Variants in CCDC7 observed in about 807,000 individuals in gnomAD.
CCDC7 encodes the protein coiled-coil domain-containing protein 7.
In CCDC7, 183 loss-of-function variants were observed where a neutral mutation model predicts 196.9. That is an observed-to-expected ratio of 0.93 (90% CI 0.82 to 1.05). The LOEUF is 1.05. Among genes scored for constraint, CCDC7 ranks in the 50% least tolerant of loss-of-function variants. The pLI is 0.00. For missense variants in CCDC7, 1,540 were observed against 1,482.2 expected (o/e 1.04, Z -0.64); for synonymous variants, 525 against 484.6 (o/e 1.08, Z -1.10).
At chr10:32,681,966 G>A (rs1420722779) in intron 21 of CCDC7, among the ~76,000 whole-genome samples, 5 of 151,776 alleles carry the variant, frequency 3.3e-5, no homozygotes, top group East Asian at 1.9e-4. Flanking sequence ...TCTACTGTGC[G>A]AATCCTGACT....
At chr10:32,703,139 G>A (rs998200084) in intron 24 of CCDC7, among the ~76,000 whole-genome samples, 10 of 152,068 alleles carry the variant, frequency 6.6e-5, no homozygotes, top group Admixed American at 1.3e-4. Flanking sequence ...GCATGTTTTC[G>A]CAGTGGCTGG....
At chr10:32,514,905 G>GCCT in intron 9 of CCDC7, among the ~76,000 whole-genome samples, 1 of 152,270 alleles carries the variant, frequency 6.6e-6, no homozygotes, top group Admixed American at 6.5e-5. Flanking sequence ...GCTCACTTCA[G>GCCT]CTGCTAACTC....
intron 11 of CCDC7, among the ~76,000 whole-genome samples, chr10:32,533,459 G>A (rs1281032916): frequency 6.6e-6 from 1 of 151,902 alleles, no homozygotes; most frequent in East Asian, 1.9e-4. Context: ...AGTATTTTGG[G>A]TTTCTTCATG....
intron 21 of CCDC7, among the ~76,000 whole-genome samples, chr10:32,682,643 A>G (rs1430697377): frequency 6.6e-6 from 1 of 152,014 alleles, no homozygotes; most frequent in Non-Finnish European, 1.5e-5. Flanking sequence ...TTTCTCTACA[A>G]CCTCACCAGC....
intron 29 of CCDC7, among the ~76,000 whole-genome samples, chr10:32,796,056 T>C (rs544388998): frequency 6.6e-6 from 1 of 152,288 alleles, no homozygotes; most frequent in East Asian, 1.9e-4. Flanking sequence ...CTAAGGATGA[T>C]AGGCTTACTT....
intron 33 of CCDC7, among the ~76,000 whole-genome samples, chr10:32,835,737 G>A (rs559819980): frequency 3.3e-5 from 5 of 151,970 alleles, no homozygotes; most frequent in African/African-American, 4.8e-5. Flanking sequence ...ATGGGTACTA[G>A]GCTTAATACT....
intron 21 of CCDC7, among the ~76,000 whole-genome samples, chr10:32,679,445 T>C (rs2140992341): frequency 6.6e-6 from 1 of 152,250 alleles, no homozygotes; most frequent in Middle Eastern, 3.4e-3. Context: ...TTGTGGCACA[T>C]ATAAAGGAAA....
chr10:32,782,970 A>G (rs950054127), intron 29 of CCDC7, among the ~76,000 whole-genome samples: 2 of 152,260 alleles, frequency 1.3e-5, no homozygotes, highest in East Asian at 1.9e-4. Context: ...AGTCACGTCA[A>G]AAGAATGAAG....
intron 20 of CCDC7, among the ~76,000 whole-genome samples, chr10:32,642,080 G>A (rs183249136): frequency 9.8e-5 from 15 of 152,338 alleles, no homozygotes; most frequent in Middle Eastern, 6.8e-3. Flanking sequence ...GTGCCTCCCA[G>A]TTAGGCTACT....
intron 28 of CCDC7, among the ~76,000 whole-genome samples, chr10:32,759,458 A>T (rs545981259): frequency 6.6e-6 from 1 of 152,304 alleles, no homozygotes. Flanking sequence ...CAACTATCTG[A>T]TCTTTGACAA....
At chr10:32,641,755 G>A (rs1213936984) in intron 20 of CCDC7, among the ~76,000 whole-genome samples, 2 of 152,128 alleles carry the variant, frequency 1.3e-5, no homozygotes, top group Non-Finnish European at 2.9e-5. Context: ...CAGTTTTTCT[G>A]TTCTGTTTTT....
At chr10:32,563,635 A>G (rs2056204854) in intron 13 of CCDC7, among the ~76,000 whole-genome samples, 1 of 152,202 alleles carries the variant, frequency 6.6e-6, no homozygotes, top group African/African-American at 2.4e-5. Flanking sequence ...CTTACACCTT[A>G]TACAAAAATT....
chr10:32,496,555 G>T (rs1333042962), intron 9 of CCDC7, among the ~76,000 whole-genome samples: 1 of 152,140 alleles, frequency 6.6e-6, no homozygotes, highest in African/African-American at 2.4e-5. Context: ...ATTATTTTGA[G>T]ATACTTTCAG....
chr10:32,802,312 T>C (rs2084956257), intron 29 of CCDC7, among the ~76,000 whole-genome samples: 1 of 152,196 alleles, frequency 6.6e-6, no homozygotes, highest in East Asian at 1.9e-4. Flanking sequence ...TCCTTGCATC[T>C]CTTGAGCAGT....
intron 16 of CCDC7, chr10:32,574,423 T>C (rs1327502579): frequency 6.3e-7 from 1 of 1,581,682 alleles, no homozygotes; most frequent in Non-Finnish European, 8.6e-7. Context: ...TTGGGTTACT[T>C]CTTAGATGCT....
exon 2 of CCDC7, chr10:32,453,366 C>T: frequency 1.3e-6 from 2 of 1,539,364 alleles, no homozygotes; most frequent in Middle Eastern, 1.8e-4. Flanking sequence ...TTGGAAGAAA[C>T]CTATGGACAT....
intron 18 of CCDC7, among the ~76,000 whole-genome samples, chr10:32,598,130 C>G (rs1230576980): frequency 1.3e-5 from 2 of 152,164 alleles, no homozygotes; most frequent in Non-Finnish European, 2.9e-5. Context: ...AGGCAGACCT[C>G]CTTGGGCTGC....
intron 5 of CCDC7, among the ~76,000 whole-genome samples, chr10:32,470,728 G>T (rs966368019): frequency 1.3e-5 from 2 of 152,048 alleles, no homozygotes; most frequent in Non-Finnish European, 2.9e-5. Flanking sequence ...TTCTTAAAAA[G>T]AATTTATGGG....
chr10:32,759,101 A>G (rs1348231665), intron 28 of CCDC7, among the ~76,000 whole-genome samples: 4 of 152,226 alleles, frequency 2.6e-5, no homozygotes, highest in African/African-American at 7.2e-5. Context: ...AGAGGACTCA[A>G]ACAAATGGAA....
Sources: gnomAD v4.1 joint callset for allele counts (sites outside exome capture counted in the v4.1 genomes callset) on GRCh38, gnomAD v4.1.1 for gene constraint, MANE v1.5 for transcripts, NCBI Gene and HGNC (gene_info 2026-07-23, HGNC 2026-07-21) for gene names.